Variants in H2AC6 observed in about 807,000 individuals in gnomAD.
H2AC6 encodes H2A clustered histone 6.
In H2AC6, 5 loss-of-function variants were observed where a neutral mutation model predicts 6.8. That is an observed-to-expected ratio of 0.73 (90% confidence interval 0.38 to 1.54). H2AC6 has a LOEUF of 1.54. Ranked by LOEUF, H2AC6 falls within the 40% of genes most tolerant of loss-of-function variation. The probability of loss-of-function intolerance (pLI) is 0.03; values close to 1 mark genes in which losing one functional copy is unlikely to be tolerated. For missense variants in H2AC6, 154 were observed against 180.7 expected, an observed-to-expected ratio of 0.85 and a Z score of 0.85; for synonymous variants, 146 against 79.2, an observed-to-expected ratio of 1.84 and a Z score of -4.48.
chr6:26,124,364 T>C lies in H2AC6; in HGVS notation c.132T>C (p.Val44=), dbSNP rs1432133066. The change falls in exon 1 of 1, where the codon GTT becomes GTC. Residue 44 remains valine, a synonymous_variant. Transcript: ENST00000377791. ...LLRKGNYAER[V]GAGAPVYLAA... ...GTAAAGGCAACTACGCAGAGCGGGT[T>C]GGGGCAGGCGCGCCGGTGTACCTGG... 1 of 1,614,016 alleles carries C rather than the reference T, an allele frequency of 6.2e-7. No individual in the cohort carries two copies. Among genetic ancestry groups the C allele is most frequent in the Admixed American group, 1.7e-5 (1 of 59,998 alleles).
rs780681950 is a variant in H2AC6, at chr6:26,124,301, T to C, written c.69T>C (p.Gly23=). The C allele has an allele frequency of 5.2e-5, 84 of 1,613,100 alleles. No homozygotes were observed. The South Asian group carries it at 8.3e-4, about 16-fold the overall frequency. The change falls in exon 1 of 1, where the codon GGT becomes GGC. Residue 23 remains glycine (G), a synonymous_variant. Coordinates refer to ENST00000377791, the MANE Select transcript of H2AC6 (RefSeq NM_003512.4). ...CGAAATCCCGCTCTTCTCGCGCTGG[T>C]CTCCAGTTCCCGGTGGGCCGAGTGC... ...AKAKSRSSRA[G]LQFPVGRVHR...
Position 26,124,310 on chromosome 6 carries a change from C to G in H2AC6, c.78C>G (p.Phe26Leu), listed in dbSNP as rs565255774. 1.2e-6 allele frequency: 2 copies of G among 1,613,532 alleles called. No homozygotes were observed. Among genetic ancestry groups the G allele is most frequent in the Non-Finnish European group, 1.7e-6 (2 of 1,179,738 alleles). ...GCTCTTCTCGCGCTGGTCTCCAGTT[C>G]CCGGTGGGCCGAGTGCACCGCCTGC... ...KSRSSRAGLQ[F>L]PVGRVHRLLR... The change falls in exon 1 of 1, where the codon TTC becomes TTG. Residue 26 changes from phenylalanine (F) to leucine (L), a missense_variant. Coordinates refer to ENST00000377791, the MANE Select transcript of H2AC6 (RefSeq NM_003512.4).
At position 26,124,669 on chromosome 6, in the gene H2AC6, G is replaced by A. The variant is rs374727101; in HGVS notation, c.*44G>A. 10 of 1,586,556 alleles carry A rather than the reference G, an allele frequency of 6.3e-6. No individual in the cohort carries two copies. Among genetic ancestry groups the A allele is most frequent in the Non-Finnish European group, 8.6e-6 (10 of 1,164,186 alleles). On this transcript the variant is annotated 3_prime_UTR_variant, in exon 1 of 1. Coordinates refer to ENST00000377791, the MANE Select transcript of H2AC6 (RefSeq NM_003512.4). ...TCCCGGAAACGCTATCAAACCCAAAGGCTCTTTTCAGAGCCCCCCTACCGT... is the reference window on the plus strand; with the variant it reads ...TCCCGGAAACGCTATCAAACCCAAAAGCTCTTTTCAGAGCCCCCCTACCGT...
rs770890655 is a variant in H2AC6 at position 26,124,600 on chromosome 6, G to A, written c.368G>A (p.Ser123Asn). Residue 123 changes from serine (S) to asparagine (N), a missense_variant, in exon 1 of 1, where the codon AGT becomes AAT. Ser to Asn is a conservative substitution (Grantham distance 46, BLOSUM62 1). Transcript: ENST00000377791. ...QAVLLPKKTE[S>N]HHKAKGK is the part of the protein sequence containing the mutation. ...GTGCTTCTGCCTAAGAAGACCGAGA[G>A]TCACCACAAGGCCAAGGGCAAGTGA... 2 of 1,614,066 alleles carry A rather than the reference G, an allele frequency of 1.2e-6. No individual in the cohort carries two copies. The highest frequency in any genetic ancestry group is 1.3e-5 in the African/African-American group (1 of 75,018).
Position 26,124,523 on chromosome 6 carries a change from G to C in H2AC6, c.291G>C (p.Leu97=), listed in dbSNP as rs1763591023. The C allele has an allele frequency of 4.3e-6, 7 of 1,614,212 alleles. No homozygotes were observed. In the East Asian group the frequency reaches 1.3e-4, roughly 31 times the overall value. ...AIRNDEELNK[L]LGRVTIAQGG... ...GCAACGACGAGGAGCTCAACAAACT[G>C]CTAGGCCGGGTGACCATTGCTCAGG... Residue 97 remains leucine, a synonymous_variant, in exon 1 of 1, where the codon CTG becomes CTC. Coordinates refer to ENST00000377791, the MANE Select transcript of H2AC6 (RefSeq NM_003512.4).
chr6:26,124,334 G>A lies in H2AC6; in HGVS notation c.102G>A (p.Leu34=), dbSNP rs1039473188. The change falls in exon 1 of 1, where the codon CTG becomes CTA. Residue 34 remains leucine, a synonymous_variant. Coordinates refer to ENST00000377791, the MANE Select transcript of H2AC6 (RefSeq NM_003512.4). ...LQFPVGRVHR[L]LRKGNYAERV... ...TCCCGGTGGGCCGAGTGCACCGCCT[G>A]CTCCGTAAAGGCAACTACGCAGAGC... The A allele has an allele frequency of 4.3e-6, 7 of 1,613,890 alleles. No individual in the cohort carries two copies. In the African/African-American group the frequency reaches 9.3e-5, roughly 22 times the overall value.
In H2AC6 at chr6:26,124,436, C is replaced by T. The variant is rs779454747; in HGVS notation, c.204C>T (p.Gly68=). ...CCGCCGAGATCCTGGAGCTGGCCGG[C>T]AACGCGGCTCGCGACAACAAGAAGA... ...YLTAEILELA[G]NAARDNKKTR... The change falls in exon 1 of 1, where the codon GGC becomes GGT. Residue 68 remains glycine, a synonymous_variant. Coordinates refer to ENST00000377791, the MANE Select transcript of H2AC6 (RefSeq NM_003512.4). The T allele has an allele frequency of 1.9e-6, 3 of 1,614,078 alleles. No individual in the cohort carries two copies. Among genetic ancestry groups the T allele is most frequent in the Non-Finnish European group, 2.5e-6 (3 of 1,179,954 alleles).
In H2AC6 at chr6:26,124,654, G is replaced by A; in HGVS notation, c.*29G>A. On this transcript the variant is annotated 3_prime_UTR_variant, in exon 1 of 1. Transcript: ENST00000377791. ...GACAGGTATCTGAGCTCCCGGAAAC[G>A]CTATCAAACCCAAAGGCTCTTTTCA... The A allele has an allele frequency of 5.6e-6, 9 of 1,600,390 alleles. No individual in the cohort carries two copies. The highest frequency in any genetic ancestry group is 1.1e-5 in the South Asian group (1 of 89,824).
Position 26,124,533 on chromosome 6 carries a change from G to T in H2AC6, c.301G>T (p.Val101Leu). 6.2e-7 allele frequency: 1 copy of T among 1,614,206 alleles called. No individual in the cohort carries two copies. Among genetic ancestry groups the T allele is most frequent in the African/African-American group, 1.3e-5 (1 of 75,042 alleles). Residue 101 changes from valine (V) to leucine (L), a missense_variant, in exon 1 of 1, where the codon GTG (valine) becomes TTG (leucine). By Grantham distance (32) the Val-to-Leu change is conservative. Transcript: ENST00000377791. The part of the protein sequence containing the change: ...DEELNKLLGR[V>L]TIAQGGVLPN... ...GGAGCTCAACAAACTGCTAGGCCGG[G>T]TGACCATTGCTCAGGGCGGCGTCCT...
At position 26,124,482 on chromosome 6, in the gene H2AC6, T is replaced by C. The variant is rs201258279; in HGVS notation, c.250T>C (p.Leu84=). ...GAAGACTCGCATCATCCCGCGCCAC[T>C]TGCAGCTGGCCATCCGCAACGACGA... The part of the protein sequence containing the change: ...NKKTRIIPRH[L]QLAIRNDEEL... Residue 84 remains leucine (L), a synonymous_variant, in exon 1 of 1, where the codon TTG becomes CTG. Coordinates refer to ENST00000377791, the MANE Select transcript of H2AC6 (RefSeq NM_003512.4). 1.3e-4 allele frequency: 216 copies of C among 1,614,062 alleles called. No homozygotes were observed. Among genetic ancestry groups the C allele is most frequent in the Non-Finnish European group, 1.3e-4 (148 of 1,180,016 alleles).
rs780681950 is a variant in H2AC6 at position 26,124,301 on chromosome 6, T to G, written c.69T>G (p.Gly23=). The part of the protein sequence containing the change: ...AKAKSRSSRA[G]LQFPVGRVHR... Reference sequence around the variant, plus strand: ...CGAAATCCCGCTCTTCTCGCGCTGGTCTCCAGTTCCCGGTGGGCCGAGTGC... The same window carrying G: ...CGAAATCCCGCTCTTCTCGCGCTGGGCTCCAGTTCCCGGTGGGCCGAGTGC... Residue 23 remains glycine, a synonymous_variant, in exon 1 of 1, where the codon GGT becomes GGG. Coordinates refer to ENST00000377791, the MANE Select transcript of H2AC6 (RefSeq NM_003512.4). The G allele has an allele frequency of 4.3e-6, 7 of 1,613,100 alleles. No individual in the cohort carries two copies. The highest frequency in any genetic ancestry group is 5.9e-6 in the Non-Finnish European group (7 of 1,179,480).
Position 26,124,600 on chromosome 6 carries a change from G to C in H2AC6, c.368G>C (p.Ser123Thr), listed in dbSNP as rs770890655. ...QAVLLPKKTE[S>T]HHKAKGK ...GTGCTTCTGCCTAAGAAGACCGAGA[G>C]TCACCACAAGGCCAAGGGCAAGTGA... is the stretch of plus-strand genomic sequence containing the variant. Residue 123 changes from serine to threonine, a missense_variant, in exon 1 of 1, where the codon AGT becomes ACT. Physicochemically the swap from Ser to Thr is moderately conservative, Grantham distance 58. Coordinates refer to ENST00000377791, the MANE Select transcript of H2AC6 (RefSeq NM_003512.4). 3.1e-6 allele frequency: 5 copies of C among 1,614,066 alleles called. No individual in the cohort carries two copies. Among genetic ancestry groups the C allele is most frequent in the Non-Finnish European group, 3.4e-6 (4 of 1,179,938 alleles).
At position 26,124,647 on chromosome 6, in the gene H2AC6, C is replaced by G. The variant is rs1393060331; in HGVS notation, c.*22C>G. On this transcript the variant is annotated 3_prime_UTR_variant, in exon 1 of 1. Coordinates refer to ENST00000377791, the MANE Select transcript of H2AC6 (RefSeq NM_003512.4). ...GTGATTTGACAGGTATCTGAGCTCC[C>G]GGAAACGCTATCAAACCCAAAGGCT... 1.9e-6 allele frequency: 3 copies of G among 1,603,128 alleles called. No individual in the cohort carries two copies. Among genetic ancestry groups the G allele is most frequent in the Non-Finnish European group, 2.6e-6 (3 of 1,172,860 alleles).
rs1157130457 is a variant in H2AC6 at position 26,124,212 on chromosome 6, G to C, written c.-21G>C. The C allele has an allele frequency of 1.3e-6, 2 of 1,553,930 alleles. No individual in the cohort carries two copies. The highest frequency in any genetic ancestry group is 2.8e-5 in the African/African-American group (2 of 72,536). ...CTCGTGAGCTTAGGCCGCTGGTTTT[G>C]GTGATTTTTGTCTGATTGCAATGTC... On this transcript the variant is annotated 5_prime_UTR_variant, in exon 1 of 1. Coordinates refer to ENST00000377791, the MANE Select transcript of H2AC6 (RefSeq NM_003512.4).
In H2AC6 at chr6:26,124,412, C is replaced by T. The variant is rs762459023; in HGVS notation, c.180C>T (p.Thr60=). The T allele has an allele frequency of 6.2e-6, 10 of 1,614,058 alleles. No individual in the cohort carries two copies. In the South Asian group the frequency reaches 6.6e-5, roughly 11 times the overall value. The change falls in exon 1 of 1, where the codon ACC becomes ACT. Residue 60 remains threonine (T), a synonymous_variant. Coordinates refer to ENST00000377791, the MANE Select transcript of H2AC6 (RefSeq NM_003512.4). ...TGGCGGCGGTGTTAGAGTACCTGAC[C>T]GCCGAGATCCTGGAGCTGGCCGGCA... ...VYLAAVLEYL[T]AEILELAGNA...
chr6:26,124,207 G>T lies in H2AC6; in HGVS notation c.-26G>T, dbSNP rs778826636. On this transcript the variant is annotated 5_prime_UTR_variant, in exon 1 of 1. Coordinates refer to ENST00000377791, the MANE Select transcript of H2AC6 (RefSeq NM_003512.4). ...GTTTTCTCGTGAGCTTAGGCCGCTG[G>T]TTTTGGTGATTTTTGTCTGATTGCA... is the stretch of plus-strand genomic sequence containing the variant. The T allele has an allele frequency of 5.2e-6, 8 of 1,552,160 alleles. No homozygotes were observed. The highest frequency in any genetic ancestry group is 1.7e-4 in the Middle Eastern group (1 of 5,760).
Position 26,124,320 on chromosome 6 carries a change from C to T in H2AC6, c.88C>T (p.Arg30Ter). 2 of 1,613,632 alleles carry T rather than the reference C, an allele frequency of 1.2e-6. No homozygotes were observed. Among genetic ancestry groups the T allele is most frequent in the African/African-American group, 1.3e-5 (1 of 74,966 alleles). ...CGCTGGTCTCCAGTTCCCGGTGGGC[C>T]GAGTGCACCGCCTGCTCCGTAAAGG... is the stretch of plus-strand genomic sequence containing the variant. Reference protein sequence around the residue: ...SRAGLQFPVGRVHRLLRKGNY... With the variant: ...SRAGLQFPVG Residue 30 changes from arginine (R) to a stop codon, truncating the protein, a stop_gained, in exon 1 of 1, where the codon CGA becomes TGA. Transcript: ENST00000377791. LOFTEE classifies it high-confidence loss of function.
In H2AC6 at chr6:26,124,645, C is replaced by G. The variant is rs775799426; in HGVS notation, c.*20C>G. On this transcript the variant is annotated 3_prime_UTR_variant, in exon 1 of 1. Transcript: ENST00000377791. ...AAGTGATTTGACAGGTATCTGAGCT[C>G]CCGGAAACGCTATCAAACCCAAAGG... The G allele has an allele frequency of 6.2e-7, 1 of 1,603,942 alleles. No individual in the cohort carries two copies. The highest frequency in any genetic ancestry group is 1.1e-5 in the South Asian group (1 of 90,490).
In H2AC6 at chr6:26,124,175, T is replaced by C. The variant is rs2113800812; in HGVS notation, c.-58T>C. 6.6e-7 allele frequency: 1 copy of C among 1,524,722 alleles called. No individual in the cohort carries two copies. The highest frequency in any genetic ancestry group is 1.3e-5 in the South Asian group (1 of 76,136). 94.4% of individuals were successfully genotyped at this position (1,524,722 alleles called of 1,614,324 possible). On this transcript the variant is annotated 5_prime_UTR_variant, in exon 1 of 1. Transcript: ENST00000377791. The stretch of plus-strand genomic sequence containing the variant: ...GGCCATGTTTTACATATTTCTTGAT[T>C]TTGTTTGTTTTCTCGTGAGCTTAGG...
Sources: gnomAD v4.1 joint callset for allele counts on GRCh38, gnomAD v4.1.1 for gene constraint, MANE v1.5 for transcripts, NCBI Gene and HGNC (gene_info 2026-07-23, HGNC 2026-07-21) for gene names.